Variants in USP47 observed in about 807,000 individuals in gnomAD.
USP47 encodes the protein ubiquitin carboxyl-terminal hydrolase 47.
In USP47, 35 loss-of-function variants were observed where a neutral mutation model predicts 165.1. The ratio of observed to expected loss-of-function variants is 0.21; its 90% CI spans 0.16 to 0.28. The LOEUF is 0.28. Ranked by LOEUF, USP47 falls within the 10% of genes least tolerant of loss-of-function variation. The pLI is 1.00. For missense variants in USP47, 1,277 were observed against 1,607.4 expected (o/e 0.79, Z 3.52); for synonymous variants, 531 against 544.5 (o/e 0.98, Z 0.35).
chr11:11,875,667 G>A (rs779824451), intron 1 of USP47, among the ~76,000 whole-genome samples: 35 of 151,926 alleles, frequency 2.3e-4, no homozygotes, highest in Non-Finnish European at 4.4e-4. Context: ...GCAGTGGCAC[G>A]ATCTCAGCTC....
At chr11:11,948,658 G>A (rs750403956) in intron 22 of USP47, 100 bp downstream of exon 22, 87 of 1,203,568 alleles carry the variant, frequency 7.2e-5, no homozygotes, top group Non-Finnish European at 9.9e-5. Context: ...CTGAAGCAAA[G>A]GTCAGCAAAT....
chr11:11,938,145 C>T (rs1388170775), intron 17 of USP47, 112 bp from the exon 18 acceptor site: 1 of 811,950 alleles, frequency 1.2e-6, no homozygotes, highest in East Asian at 2.6e-5. Context: ...TTCATCTGTA[C>T]TTGGAAGTTT....
At chr11:11,915,935 T>C (rs1355295761) in intron 8 of USP47, among the ~76,000 whole-genome samples, 3 of 152,126 alleles carry the variant, frequency 2.0e-5, no homozygotes, top group Non-Finnish European at 4.4e-5. Context: ...TATTCAAAAT[T>C]AAGTAGATTT....
intron 1 of USP47, among the ~76,000 whole-genome samples, chr11:11,875,199 T>C (rs913379565): frequency 6.6e-5 from 10 of 152,192 alleles, no homozygotes; most frequent in Non-Finnish European, 1.5e-4. Flanking sequence ...TAAAATACTT[T>C]ATCTTAATTT....
At chr11:11,939,190 C>T (rs1855297315) in intron 18 of USP47, among the ~76,000 whole-genome samples, 1 of 151,916 alleles carries the variant, frequency 6.6e-6, no homozygotes, top group Non-Finnish European at 1.5e-5. Flanking sequence ...TTACAAGGGT[C>T]CTGTACTCTG....
At chr11:11,892,858 ACTT>A (rs1467436769) in intron 4 of USP47, among the ~76,000 whole-genome samples, 1 of 150,498 alleles carries the variant, frequency 6.6e-6, no homozygotes, top group Non-Finnish European at 1.5e-5. Flanking sequence ...AAAATTCAAG[ACTT>A]CTTTTAATAA....
At chr11:11,848,733 C>T (rs887586292) in intron 1 of USP47, among the ~76,000 whole-genome samples, 2 of 151,656 alleles carry the variant, frequency 1.3e-5, no homozygotes, top group African/African-American at 4.9e-5. Context: ...CCTCAGCCTC[C>T]TGAGTAGCTG....
At chr11:11,881,875 A>T (rs1481973050) in intron 2 of USP47, among the ~76,000 whole-genome samples, 1 of 152,076 alleles carries the variant, frequency 6.6e-6, no homozygotes, top group Non-Finnish European at 1.5e-5. Context: ...ATATCATTGC[A>T]TTGGGGATTA....
At chr11:11,870,714 G>A (rs7927279) in intron 1 of USP47, among the ~76,000 whole-genome samples, 119,305 of 152,064 alleles carry the variant, frequency 0.78, 47,549 homozygotes, top group African/African-American at 0.93. Flanking sequence ...TCTGGCCTCC[G>A]TGGTTTCTGG....
At chr11:11,893,465 C>G (rs1851668831) in intron 4 of USP47, among the ~76,000 whole-genome samples, 1 of 152,112 alleles carries the variant, frequency 6.6e-6, no homozygotes, top group Admixed American at 6.6e-5. Context: ...AGATTAGAGT[C>G]TTGCTTTGTC....
At chr11:11,895,072 G>T (rs1332279201) in intron 4 of USP47, among the ~76,000 whole-genome samples, 1 of 151,988 alleles carries the variant, frequency 6.6e-6, no homozygotes, top group Non-Finnish European at 1.5e-5. Flanking sequence ...TATAGGTTCA[G>T]ATATTTAAAT....
intron 11 of USP47, 57 bp downstream of exon 11, chr11:11,922,948 A>G (rs575027087): frequency 4.2e-5 from 63 of 1,510,772 alleles, no homozygotes; most frequent in Non-Finnish European, 5.3e-5. Context: ...CTGACTTCCT[A>G]TATAATTCTA....
intron 1 of USP47, among the ~76,000 whole-genome samples, chr11:11,854,750 A>G (rs923684245): frequency 1.2e-4 from 17 of 147,544 alleles, no homozygotes; most frequent in African/African-American, 3.9e-4. Context: ...GTTAGATTTG[A>G]CAGGTTCTCT....
intron 1 of USP47, among the ~76,000 whole-genome samples, 194 bp downstream of exon 1, chr11:11,842,418 G>T (rs1489973160): frequency 6.6e-6 from 1 of 152,012 alleles, no homozygotes; most frequent in Non-Finnish European, 1.5e-5. Context: ...AGGGGCCGGG[G>T]AGCGGACCTC....
chr11:11,952,923 A>T, intron 25 of USP47, 52 bp downstream of exon 25: 1 of 1,224,522 alleles, frequency 8.2e-7, no homozygotes, highest in Non-Finnish European at 1.0e-6. Context: ...TGTATATCAT[A>T]ATATTAATAA....
chr11:11,929,138 T>G (rs757352130), intron 11 of USP47, among the ~76,000 whole-genome samples: 6 of 152,052 alleles, frequency 3.9e-5, no homozygotes, highest in Non-Finnish European at 8.8e-5. Flanking sequence ...TTCTGAAATT[T>G]TAGACTATTA....
At position 11,848,899 on chromosome 11, in the gene USP47, A is replaced by G. The variant is rs192365304; in HGVS notation, c.39+6675A>G. Among the ~76,000 whole-genome samples the G allele has an allele frequency of 1.4e-3, 220 of 152,224 alleles. 2 individuals carry two copies. The highest frequency in any genetic ancestry group is 4.7e-3 in the African/African-American group (195 of 41,544). ...GCTGGGATTACAGGCGTGAGCCACC[A>G]TGCCCAGCCGAAACTAGCGTTTTTA... is the stretch of plus-strand genomic sequence containing the variant. On this transcript the variant is annotated intron_variant, in intron 1 of 27. Coordinates refer to ENST00000527733, the MANE Select transcript of USP47 (RefSeq NM_001282659.2).
chr11:11,845,990 C>G (rs1195072348), intron 1 of USP47, among the ~76,000 whole-genome samples: 1 of 152,130 alleles, frequency 6.6e-6, no homozygotes, highest in African/African-American at 2.4e-5. Context: ...TGTTCTGAGT[C>G]TGAGCTTCCT....
intron 18 of USP47, 117 bp downstream of exon 18, chr11:11,938,489 GT>G: frequency 1.4e-6 from 1 of 718,306 alleles, no homozygotes; most frequent in South Asian, 2.0e-5. Flanking sequence ...ATTAATATTT[GT>G]AGTTAGGAGA....
Sources: gnomAD v4.1 joint callset for allele counts (sites outside exome capture counted in the v4.1 genomes callset) on GRCh38, gnomAD v4.1.1 for gene constraint, MANE v1.5 for transcripts, NCBI Gene and HGNC (gene_info 2026-07-23, HGNC 2026-07-21) for gene names.